The following SPSB1 variants were observed in gnomAD, a reference collection of about 807,000 sequenced individuals.
SPSB1 encodes the protein splA/ryanodine receptor domain and SOCS box containing 1.
A neutral mutation model predicts 21.2 loss-of-function variants in SPSB1; 8 were observed. That is an observed-to-expected ratio of 0.38 (90% CI 0.22 to 0.68). The LOEUF (loss-of-function observed/expected upper bound fraction) is 0.68. Ranked by LOEUF, SPSB1 falls within the 30% of genes least tolerant of loss-of-function variation. The probability of loss-of-function intolerance (pLI) is 0.53; values close to 1 mark genes in which losing one functional copy is unlikely to be tolerated. For missense variants in SPSB1, 242 were observed against 377.8 expected (o/e 0.64, Z 2.98); for synonymous variants, 169 against 161.7 (o/e 1.05, Z -0.34).
In SPSB1 at chr1:9,306,712, C is replaced by T. The variant is rs545104001; in HGVS notation, c.-150+13641C>T. Among the ~76,000 whole-genome samples, 214 of 152,084 alleles carry T rather than the reference C, an allele frequency of 1.4e-3. 1 individual carries two copies. Among genetic ancestry groups the T allele is most frequent in the African/African-American group, 4.7e-3 (197 of 41,478 alleles). On this transcript the variant is annotated intron_variant, in intron 1 of 2. Transcript: ENST00000328089. The stretch of plus-strand genomic sequence containing the variant: ...AGGAGCGAGGAAGAAATGAGCGATC[C>T]GAGAGATAGGTCAGCAGAGTGAATG...
At chr1:9,347,415 T>C (rs941456777) in intron 1 of SPSB1, among the ~76,000 whole-genome samples, 1 of 141,282 alleles carries the variant, frequency 7.1e-6, no homozygotes, top group African/African-American at 2.9e-5. Flanking sequence ...AAGGAATACA[T>C]GCATTTTAAA....
chr1:9,319,242 A>G (rs959122999), intron 1 of SPSB1, among the ~76,000 whole-genome samples: 1 of 152,060 alleles, frequency 6.6e-6, no homozygotes, highest in Non-Finnish European at 1.5e-5. Flanking sequence ...AAGTGGGGGG[A>G]CCAGGGGGGT....
chr1:9,315,568 C>T (rs1217051854), intron 1 of SPSB1, among the ~76,000 whole-genome samples: 3 of 152,264 alleles, frequency 2.0e-5, no homozygotes, highest in South Asian at 2.1e-4. Context: ...TTCTAACCAT[C>T]GAGTGATGCA....
intron 1 of SPSB1, among the ~76,000 whole-genome samples, chr1:9,308,897 G>A (rs1029813895): frequency 2.0e-5 from 3 of 152,254 alleles, no homozygotes; most frequent in Admixed American, 6.5e-5. Context: ...CTTGGGAGGC[G>A]TGTGATGCAC....
intron 1 of SPSB1, among the ~76,000 whole-genome samples, chr1:9,351,156 C>T (rs191124213): frequency 6.6e-6 from 1 of 152,374 alleles, no homozygotes; most frequent in East Asian, 1.9e-4. Context: ...TATTGAAACA[C>T]ATTCATGCCC....
rs372941737 is a variant in SPSB1 at position 9,315,254 on chromosome 1, T to C, written c.-150+22183T>C. The stretch of plus-strand genomic sequence containing the variant: ...TAGGGCTGGGAACCAGCTCAGCAGA[T>C]TCCACTGCGACAAAAGACCCCGTAC... On this transcript the variant is annotated intron_variant, in intron 1 of 2. Coordinates refer to ENST00000328089, the MANE Select transcript of SPSB1 (RefSeq NM_025106.4). Among the ~76,000 whole-genome samples the C allele has an allele frequency of 2.0e-4, 31 of 152,206 alleles. No individual in the cohort carries two copies. In the East Asian group the frequency reaches 5.8e-3, roughly 29 times the overall value.
At chr1:9,319,607 C>T (rs72860844) in intron 1 of SPSB1, among the ~76,000 whole-genome samples, 14,380 of 152,210 alleles carry the variant, frequency 0.094, 2,015 homozygotes, top group African/African-American at 0.31. Context: ...CTGTGTCTCA[C>T]GGTGGCTGAT....
chr1:9,352,827 A>G (rs936605787), intron 1 of SPSB1, among the ~76,000 whole-genome samples: 1 of 62,206 alleles, frequency 1.6e-5, no homozygotes, highest in African/African-American at 6.5e-5. Context: ...TGTCTCTCCC[A>G]CCCTCCCCTC....
intron 1 of SPSB1, among the ~76,000 whole-genome samples, chr1:9,328,001 G>C (rs549364276): frequency 1.3e-5 from 2 of 152,376 alleles, no homozygotes; most frequent in East Asian, 3.9e-4. Flanking sequence ...GGTGAATGGA[G>C]TGCTGCAATC....
intron 1 of SPSB1, among the ~76,000 whole-genome samples, chr1:9,325,225 A>ACC (rs33978312): frequency 2.3e-3 from 310 of 133,296 alleles, no homozygotes; most frequent in East Asian, 6.6e-3. Flanking sequence ...TCCCACCACC[A>ACC]CCCCCCCCCC....
At position 9,324,593 on chromosome 1, in the gene SPSB1, A is replaced by G. The variant is rs1410575291; in HGVS notation, c.-149-31150A>G. Among the ~76,000 whole-genome samples the G allele has an allele frequency of 1.3e-5, 2 of 152,036 alleles. No homozygotes were observed. The highest frequency in any genetic ancestry group is 3.9e-4 in the East Asian group (2 of 5,176). ...GACAAAAGCCTGGTTGTGCCCTGGG[A>G]GAAAACCCAAACCTGGGTTTCCCTG... On this transcript the variant is annotated intron_variant, in intron 1 of 2. Transcript: ENST00000328089. The surrounding 1 kb of genome is among the most constrained non-coding windows in gnomAD (Gnocchi z 4.3).
At chr1:9,358,319 C>A (rs569706834) in intron 2 of SPSB1, among the ~76,000 whole-genome samples, 68 of 152,158 alleles carry the variant, frequency 4.5e-4, no homozygotes, top group Non-Finnish European at 8.7e-4. Context: ...GCTCCCAGGG[C>A]TGCTTGGTCC....
intron 1 of SPSB1, among the ~76,000 whole-genome samples, chr1:9,351,148 T>C (rs1640248985): frequency 6.6e-6 from 1 of 152,266 alleles, no homozygotes; most frequent in Non-Finnish European, 1.5e-5. Context: ...TAAAGTTTTA[T>C]TGAAACACAT....
At chr1:9,366,280 C>G (rs1488089442) in intron 2 of SPSB1, among the ~76,000 whole-genome samples, 2 of 152,182 alleles carry the variant, frequency 1.3e-5, no homozygotes, top group Non-Finnish European at 2.9e-5. Flanking sequence ...TGAAACTGGG[C>G]TGGCATTTCC....
chr1:9,353,664 A>C (rs1640312727), intron 1 of SPSB1, among the ~76,000 whole-genome samples: 4 of 152,118 alleles, frequency 2.6e-5, no homozygotes, highest in Admixed American at 2.0e-4. Context: ...TCCCACCTGT[A>C]ATCCCAGCAC....
At chr1:9,300,246 C>T (rs1639306558) in intron 1 of SPSB1, among the ~76,000 whole-genome samples, 1 of 152,210 alleles carries the variant, frequency 6.6e-6, no homozygotes, top group Non-Finnish European at 1.5e-5. Context: ...CACAATGCCT[C>T]GTGGGCCTGT....
intron 1 of SPSB1, among the ~76,000 whole-genome samples, chr1:9,326,331 A>G (rs1639816079): frequency 6.6e-6 from 1 of 152,084 alleles, no homozygotes; most frequent in African/African-American, 2.4e-5. Flanking sequence ...AGGTGGAGAC[A>G]CCCAGGGGCC....
rs1640371556 is a variant in SPSB1, at chr1:9,356,795, G to A, written c.694+210G>A. Among the ~76,000 whole-genome samples, 1 of 152,242 alleles carries A rather than the reference G, an allele frequency of 6.6e-6. No individual in the cohort carries two copies. The highest frequency in any genetic ancestry group is 1.5e-5 in the Non-Finnish European group (1 of 68,042). ...GATTACCTAACGGTGCCTCATGAAT[G>A]AATGGACAGATGGATGGATGATGGA... On this transcript the variant is annotated intron_variant, in intron 2 of 2. Transcript: ENST00000328089. The surrounding 1 kb of genome is among the most constrained non-coding windows in gnomAD (Gnocchi z 7.4).
intron 1 of SPSB1, among the ~76,000 whole-genome samples, chr1:9,323,223 C>A (rs529874630): frequency 6.6e-6 from 1 of 152,368 alleles, no homozygotes; most frequent in South Asian, 2.1e-4. Context: ...AGTGCCCTGG[C>A]TGGGCTGGCG....
Sources: allele counts gnomAD v4.1 joint callset (sites outside exome capture counted in the v4.1 genomes callset), GRCh38; gene constraint gnomAD v4.1.1; non-coding constraint Gnocchi (gnomAD v3.1); transcripts MANE v1.5; gene names NCBI Gene and HGNC (gene_info 2026-07-23, HGNC 2026-07-21).